ADAM22: variants seen among roughly 807,000 people sequenced by gnomAD.
The protein encoded by ADAM22 is ADAM metallopeptidase domain 22.
Under a neutral mutation model 144.6 loss-of-function variants are expected in ADAM22, and 65 were observed. The observed-to-expected ratio is 0.45, with a 90% CI of 0.37 to 0.55. ADAM22 has a LOEUF of 0.55. ADAM22 is among the 20% of genes least tolerant of loss of function. ADAM22 has a pLI of 0.00. For synonymous variants in ADAM22, 391 were observed against 412.6 expected (o/e 0.95, Z 0.63); for missense variants, 974 against 1,184.9 (o/e 0.82, Z 2.61).
intron 2 of ADAM22, among the ~76,000 whole-genome samples, chr7:87,973,833 T>C (rs1336287071): frequency 6.6e-6 from 1 of 151,526 alleles, no homozygotes; most frequent in Admixed American, 6.6e-5. Flanking sequence ...CAAACTATCG[T>C]GAGGACAAAA....
intron 2 of ADAM22, among the ~76,000 whole-genome samples, chr7:87,955,875 C>T (rs1028748288): frequency 1.3e-5 from 2 of 152,224 alleles, no homozygotes; most frequent in Non-Finnish European, 2.9e-5. Context: ...GCAGTTTGAT[C>T]TCAGACTGCT....
intron 14 of ADAM22, 150 bp downstream of exon 14, chr7:88,136,181 T>C: frequency 3.7e-6 from 2 of 539,748 alleles, no homozygotes; most frequent in East Asian, 3.4e-5. Context: ...TAAAAACAAT[T>C]GATGTCAATT....
intron 3 of ADAM22, among the ~76,000 whole-genome samples, chr7:88,030,255 G>T (rs1799935854): frequency 6.6e-6 from 1 of 151,956 alleles, no homozygotes. Context: ...TAATTCTGCT[G>T]TTGAGAGACT....
chr7:88,076,449 TG>T (rs921101168), intron 4 of ADAM22, among the ~76,000 whole-genome samples: 7 of 152,262 alleles, frequency 4.6e-5, no homozygotes, highest in African/African-American at 1.4e-4. Context: ...GGTGAAAACT[TG>T]GGTCCAGGGT....
intron 11 of ADAM22, 121 bp downstream of exon 11, chr7:88,131,556 A>G: frequency 9.6e-7 from 1 of 1,045,538 alleles, no homozygotes; most frequent in South Asian, 1.7e-5. Context: ...CAGATGGCAG[A>G]TAGATTTGGA....
At chr7:88,135,728 G>T (rs1021491655) in intron 13 of ADAM22, among the ~76,000 whole-genome samples, 2 of 152,050 alleles carry the variant, frequency 1.3e-5, no homozygotes, top group African/African-American at 2.4e-5. Context: ...TTAAATAAAT[G>T]GTTTAAATAT....
chr7:88,132,366 A>G (rs1189332601), intron 11 of ADAM22: 1 of 152,470 alleles, frequency 6.6e-6, no homozygotes, highest in Admixed American at 6.5e-5. Context: ...AATGTCTTTT[A>G]AAGCTAATTT....
intron 2 of ADAM22, among the ~76,000 whole-genome samples, chr7:87,936,811 A>G (rs1841341880): frequency 6.6e-6 from 1 of 151,380 alleles, no homozygotes; most frequent in African/African-American, 2.4e-5. Flanking sequence ...GTATGTATAT[A>G]TGTATATGTA....
Position 88,128,803 on chromosome 7 carries a change from T to C in ADAM22, c.753+127T>C, listed in dbSNP as rs566686438. On this transcript the variant is annotated intron_variant, in intron 9 of 31. Coordinates refer to ENST00000413139, the MANE Select transcript of ADAM22 (RefSeq NM_001324418.2). ...TGGAGAAGGTATTTGTATAATCAAA[T>C]ATATTTGTTAACTAGCAACAACCTG... 1.1e-4 allele frequency: 73 copies of C among 638,580 alleles called. No individual in the cohort carries two copies. The East Asian group carries it at 2.1e-3, about 19-fold the overall frequency. 39.6% of individuals were successfully genotyped at this position (638,580 alleles called of 1,614,324 possible).
At chr7:88,016,592 G>T (rs1796590694) in intron 3 of ADAM22, among the ~76,000 whole-genome samples, 1 of 152,010 alleles carries the variant, frequency 6.6e-6, no homozygotes, top group South Asian at 2.1e-4. Context: ...TAATGATTTT[G>T]TGCTAATTGT....
intron 3 of ADAM22, among the ~76,000 whole-genome samples, chr7:88,040,315 A>C (rs1802798973): frequency 6.6e-6 from 1 of 151,876 alleles, no homozygotes; most frequent in African/African-American, 2.4e-5. Context: ...CATTTTTAGT[A>C]GAGACGAGGT....
chr7:88,160,396 A>G (rs1214851536), intron 22 of ADAM22, among the ~76,000 whole-genome samples: 1 of 152,130 alleles, frequency 6.6e-6, no homozygotes, highest in Non-Finnish European at 1.5e-5. Flanking sequence ...AGAACTAGAA[A>G]AAGCTCTTAA....
At chr7:88,178,073 C>A in intron 26 of ADAM22, among the ~76,000 whole-genome samples, 1 of 152,082 alleles carries the variant, frequency 6.6e-6, no homozygotes, top group East Asian at 1.9e-4. Context: ...CTAAAATTTT[C>A]TATCTGATTA....
Position 88,168,279 on chromosome 7 carries a change from T to C in ADAM22, c.2282+52T>C, listed in dbSNP as rs1159930675. On this transcript the variant is annotated intron_variant, in intron 25 of 31. Transcript: ENST00000413139. ...CTATTGAAATATACTTCTAAACATTTTGATTACATGAAAACATCTAGAAAG... is the reference window on the plus strand; with the variant it reads ...CTATTGAAATATACTTCTAAACATTCTGATTACATGAAAACATCTAGAAAG... 3 of 1,528,704 alleles carry C rather than the reference T, an allele frequency of 2.0e-6. No individual in the cohort carries two copies. The East Asian group carries it at 6.8e-5, about 35-fold the overall frequency. 94.7% of individuals were successfully genotyped at this position (1,528,704 alleles called of 1,614,324 possible).
At chr7:88,150,623 G>C (rs999977823) in intron 18 of ADAM22, among the ~76,000 whole-genome samples, 1 of 152,056 alleles carries the variant, frequency 6.6e-6, no homozygotes, top group African/African-American at 2.4e-5. Context: ...TAGTATATCT[G>C]TATGAATCAA....
intron 25 of ADAM22, 69 bp downstream of exon 25, chr7:88,168,296 T>C: frequency 6.8e-7 from 1 of 1,471,450 alleles, no homozygotes; most frequent in Non-Finnish European, 9.5e-7. Flanking sequence ...CATGAAAACA[T>C]CTAGAAAGTT....
intron 5 of ADAM22, 22 bp from the exon 6 acceptor site, chr7:88,114,562 A>G: frequency 1.2e-6 from 2 of 1,612,546 alleles, no homozygotes; most frequent in African/African-American, 2.7e-5. Context: ...GCCATGCCTA[A>G]TTATTTTTTT....
intron 22 of ADAM22, among the ~76,000 whole-genome samples, chr7:88,160,995 A>G (rs1306822168): frequency 6.6e-6 from 1 of 152,114 alleles, no homozygotes; most frequent in Admixed American, 6.6e-5. Flanking sequence ...AGATAGCATT[A>G]GGAGATATAC....
chr7:88,127,096 G>GTA (rs3831544), intron 8 of ADAM22, among the ~76,000 whole-genome samples: 3,640 of 149,600 alleles, frequency 0.024, 54 homozygotes, highest in Middle Eastern at 0.032. Context: ...ATATGTGTGT[G>GTA]TATATATATA....
Sources: gnomAD v4.1 joint callset for allele counts (sites outside exome capture counted in the v4.1 genomes callset) on GRCh38, gnomAD v4.1.1 for gene constraint, MANE v1.5 for transcripts, NCBI Gene and HGNC (gene_info 2026-07-23, HGNC 2026-07-21) for gene names.